The following SUPT3H variants were observed in gnomAD, a reference collection of about 807,000 sequenced individuals.
SUPT3H encodes the protein SPT3 homolog, SAGA and STAGA complex component.
Under a neutral mutation model 44.3 loss-of-function variants are expected in SUPT3H, and 44 were observed. That is an observed-to-expected ratio of 0.99 (90% CI 0.78 to 1.28). SUPT3H has a LOEUF of 1.28. Among genes scored for constraint, SUPT3H ranks in the 50% most tolerant of loss-of-function variants. The probability of loss-of-function intolerance (pLI) is 0.00; values close to 1 mark genes in which losing one functional copy is unlikely to be tolerated. For missense variants in SUPT3H, 380 were observed against 387.1 expected (o/e 0.98, Z 0.15); for synonymous variants, 124 against 125.6 (o/e 0.99, Z 0.09).
intron 2 of SUPT3H, among the ~76,000 whole-genome samples, chr6:45,116,345 C>T (rs939381931): frequency 5.3e-5 from 8 of 152,246 alleles, no homozygotes; most frequent in South Asian, 2.1e-4. Flanking sequence ...AGCACAACTG[C>T]GCACGTTTCT....
chr6:44,900,608 C>T (rs1370915080), intron 10 of SUPT3H, among the ~76,000 whole-genome samples: 1 of 152,068 alleles, frequency 6.6e-6, no homozygotes, highest in Non-Finnish European at 1.5e-5. Context: ...AGGGCTTAGC[C>T]AAACTAAAGG....
At chr6:44,966,702 AAAT>A (rs747561134) in intron 6 of SUPT3H, among the ~76,000 whole-genome samples, 3 of 152,196 alleles carry the variant, frequency 2.0e-5, no homozygotes, top group Non-Finnish European at 4.4e-5. Context: ...CTTTTGAACT[AAAT>A]ATTACAATGC....
At chr6:44,850,693 TGTCA>T (rs963370691) in intron 10 of SUPT3H, among the ~76,000 whole-genome samples, 2 of 152,168 alleles carry the variant, frequency 1.3e-5, no homozygotes, top group African/African-American at 4.8e-5. Context: ...TTTTGTTCAT[TGTCA>T]GTCAGAATCC....
intron 3 of SUPT3H, among the ~76,000 whole-genome samples, chr6:45,021,479 A>C (rs912525878): frequency 1.3e-4 from 20 of 151,986 alleles, no homozygotes; most frequent in African/African-American, 4.6e-4. Context: ...GAAAAAAATA[A>C]AGATGCTACA....
chr6:44,919,831 A>G (rs1000321990), intron 10 of SUPT3H, among the ~76,000 whole-genome samples: 3 of 152,006 alleles, frequency 2.0e-5, no homozygotes, highest in Non-Finnish European at 2.9e-5. Context: ...CTTGCCTATT[A>G]TATCCCCTCA....
intron 6 of SUPT3H, among the ~76,000 whole-genome samples, chr6:44,972,117 G>A (rs1458131462): frequency 6.6e-6 from 1 of 152,106 alleles, no homozygotes; most frequent in African/African-American, 2.4e-5. Flanking sequence ...TAACCCAAAA[G>A]TCCAAGTCCA....
At chr6:44,982,148 A>C (rs1489535492) in intron 6 of SUPT3H, among the ~76,000 whole-genome samples, 1 of 152,202 alleles carries the variant, frequency 6.6e-6, no homozygotes, top group Non-Finnish European at 1.5e-5. Context: ...CCAAATCCAC[A>C]CTGAGAAAAT....
chr6:45,076,761 T>C (rs1486000259), intron 3 of SUPT3H, among the ~76,000 whole-genome samples: 1 of 152,150 alleles, frequency 6.6e-6, no homozygotes, highest in Non-Finnish European at 1.5e-5. Flanking sequence ...TACAATCTGC[T>C]TGAAAGAAAA....
chr6:45,156,190 T>G (rs1807793770), intron 2 of SUPT3H, among the ~76,000 whole-genome samples: 1 of 152,178 alleles, frequency 6.6e-6, no homozygotes, highest in Non-Finnish European at 1.5e-5. Context: ...CATAAGCTCA[T>G]TTTGCATATG....
intron 2 of SUPT3H, among the ~76,000 whole-genome samples, chr6:45,281,540 G>T (rs925608545): frequency 2.6e-5 from 4 of 152,144 alleles, no homozygotes; most frequent in African/African-American, 9.7e-5. Context: ...AGCGAGGTTG[G>T]GGGAGGGGCG....
intron 2 of SUPT3H, among the ~76,000 whole-genome samples, chr6:45,282,450 A>G (rs1778312496): frequency 6.6e-6 from 1 of 152,256 alleles, no homozygotes; most frequent in African/African-American, 2.4e-5. Context: ...CACAAGCTTC[A>G]GTAGCCGATT....
intron 9 of SUPT3H, among the ~76,000 whole-genome samples, chr6:44,944,131 T>C (rs1772902831): frequency 6.6e-6 from 1 of 152,014 alleles, no homozygotes; most frequent in South Asian, 2.1e-4. Context: ...ATGACAATTA[T>C]AGCATAAAGG....
At chr6:45,154,042 C>T (rs1317981266) in intron 2 of SUPT3H, among the ~76,000 whole-genome samples, 1 of 122,020 alleles carries the variant, frequency 8.2e-6, no homozygotes, top group Non-Finnish European at 1.6e-5. Context: ...TGCACTACAG[C>T]CTGGGCAACA....
At chr6:45,137,655 G>A (rs1222770590) in intron 2 of SUPT3H, among the ~76,000 whole-genome samples, 2 of 151,596 alleles carry the variant, frequency 1.3e-5, no homozygotes, top group South Asian at 2.1e-4. Flanking sequence ...TAATAATAAT[G>A]AATGAACAGA....
intron 7 of SUPT3H, among the ~76,000 whole-genome samples, chr6:44,959,674 T>C (rs999556028): frequency 6.6e-6 from 1 of 152,156 alleles, no homozygotes; most frequent in African/African-American, 2.4e-5. Context: ...TATATACATA[T>C]GAAAACAAAA....
intron 2 of SUPT3H, among the ~76,000 whole-genome samples, chr6:45,243,975 G>A (rs1293366895): frequency 1.3e-5 from 2 of 152,258 alleles, no homozygotes; most frequent in African/African-American, 4.8e-5. Context: ...TCAACATCTG[G>A]GCTCAAGTCA....
At chr6:45,308,415 A>G (rs1013580645) in intron 2 of SUPT3H, among the ~76,000 whole-genome samples, 2 of 152,218 alleles carry the variant, frequency 1.3e-5, no homozygotes, top group Non-Finnish European at 2.9e-5. Context: ...AGAAACTACG[A>G]GCCAGAAGAG....
At chr6:44,937,443 C>T (rs964636653) in intron 9 of SUPT3H, among the ~76,000 whole-genome samples, 11 of 151,470 alleles carry the variant, frequency 7.3e-5, no homozygotes, top group African/African-American at 2.7e-4. Context: ...GCAGTGAGCC[C>T]AGATCACGCC....
chr6:44,989,862 T>A (rs891873900), intron 6 of SUPT3H, among the ~76,000 whole-genome samples: 1 of 152,128 alleles, frequency 6.6e-6, no homozygotes, highest in Non-Finnish European at 1.5e-5. Flanking sequence ...ATTTTGCTAT[T>A]GAGTTGTGTG....
Sources: allele counts gnomAD v4.1 joint callset (sites outside exome capture counted in the v4.1 genomes callset), GRCh38; gene constraint gnomAD v4.1.1; transcripts MANE v1.5; gene names NCBI Gene and HGNC (gene_info 2026-07-23, HGNC 2026-07-21).